The following SIPA1L1 variants were observed in gnomAD, a reference collection of about 807,000 sequenced individuals.
SIPA1L1 encodes the protein signal induced proliferation associated 1 like 1.
SIPA1L1 carries 26 observed loss-of-function variants against 162.7 expected under a neutral mutation model. That is an observed-to-expected ratio of 0.16 (90% CI 0.12 to 0.22). The LOEUF (loss-of-function observed/expected upper bound fraction) is 0.22. Among genes scored for constraint, SIPA1L1 ranks in the 10% least tolerant of loss-of-function variants. The probability of loss-of-function intolerance (pLI) is 1.00; values close to 1 mark genes in which losing one functional copy is unlikely to be tolerated. For synonymous variants in SIPA1L1, 829 were observed against 837.4 expected, an observed-to-expected ratio of 0.99 and a Z score of 0.17; for missense variants, 1,874 against 2,241.0, an observed-to-expected ratio of 0.84 and a Z score of 3.31.
At chr14:71,360,935 A>T (rs2037747373) in intron 2 of SIPA1L1, among the ~76,000 whole-genome samples, 1 of 152,186 alleles carries the variant, frequency 6.6e-6, no homozygotes, top group Non-Finnish European at 1.5e-5. Context: ...GTAAGACATC[A>T]TATTTTGTGT....
chr14:71,657,004 TTGTC>T (rs995317755), intron 8 of SIPA1L1, among the ~76,000 whole-genome samples: 5 of 152,170 alleles, frequency 3.3e-5, no homozygotes, highest in Non-Finnish European at 5.9e-5. Context: ...GTCAGAGACT[TTGTC>T]TGAGAGCATC....
chr14:71,709,533 G>A lies in SIPA1L1; in HGVS notation c.4077G>A (p.Glu1359=), dbSNP rs1224732645. ...ISMADRTLET[E]SHGLDRKTES... ...TGGCAGATCGGACTTTGGAGACAGA[G>A]AGCCACGGCCTGGACCGGAAAACAG... The change falls in exon 17 of 24, where the codon GAG becomes GAA. Residue 1359 remains glutamate, a synonymous_variant. Transcript: ENST00000381232. The A allele has an allele frequency of 6.2e-7, 1 of 1,614,088 alleles. No homozygotes were observed.
At chr14:71,571,085 G>A (rs61989420) in intron 4 of SIPA1L1, among the ~76,000 whole-genome samples, 2,084 of 152,346 alleles carry the variant, frequency 0.014, 21 homozygotes, top group Non-Finnish European at 0.021. Context: ...ATGGGGCACT[G>A]CACCTGGCCA....
chr14:71,446,098 T>C (rs1038399573), intron 2 of SIPA1L1, among the ~76,000 whole-genome samples: 1 of 152,144 alleles, frequency 6.6e-6, no homozygotes, highest in African/African-American at 2.4e-5. Context: ...ATCCTCCCAC[T>C]TTGGCCTCAT....
rs965884266 is a variant in SIPA1L1, at chr14:71,456,637, G to A, written c.-464-56106G>A. 1.1e-4 allele frequency among the ~76,000 whole-genome samples: 17 copies of A among 152,232 alleles called. No individual in the cohort carries two copies. In the East Asian group the frequency reaches 2.9e-3, roughly 26 times the overall value. ...AGTGTTGGCTTATTATTACAGAAGAGTTAAAGTTTATTTTCAGACAAAACA... is the reference window on the plus strand; with the variant it reads ...AGTGTTGGCTTATTATTACAGAAGAATTAAAGTTTATTTTCAGACAAAACA... On this transcript the variant is annotated intron_variant, in intron 2 of 23. Coordinates refer to ENST00000381232, the MANE Select transcript of SIPA1L1 (RefSeq NM_001386936.1).
chr14:71,511,372 C>A (rs560211351), intron 2 of SIPA1L1, among the ~76,000 whole-genome samples: 1 of 152,058 alleles, frequency 6.6e-6, no homozygotes, highest in East Asian at 1.9e-4. Flanking sequence ...GCTGCCTCTA[C>A]CTTCTGGACT....
At chr14:71,389,479 G>A (rs2040585456) in intron 2 of SIPA1L1, among the ~76,000 whole-genome samples, 1 of 152,100 alleles carries the variant, frequency 6.6e-6, no homozygotes, top group Admixed American at 6.5e-5. Context: ...TTTTAAGATA[G>A]TACCATTTGT....
intron 21 of SIPA1L1, 117 bp from the exon 22 acceptor site, chr14:71,735,160 T>C: frequency 2.9e-6 from 2 of 684,410 alleles, no homozygotes; most frequent in South Asian, 3.6e-5. Context: ...AGATTTCCAG[T>C]GCATCCTGCA....
chr14:71,589,395 A>G (rs2034977421), intron 5 of SIPA1L1, 25 bp downstream of exon 5: 7 of 1,485,034 alleles, frequency 4.7e-6, no homozygotes, highest in Non-Finnish European at 6.5e-6. Flanking sequence ...TTTATTTCTT[A>G]CATTTTCTTT....
At position 71,527,974 on chromosome 14, in the gene SIPA1L1, G is replaced by A. The variant is rs117026057; in HGVS notation, c.-361-1338G>A. Among the ~76,000 whole-genome samples, 1,081 of 152,160 alleles carry A rather than the reference G, an allele frequency of 7.1e-3. 6 individuals are homozygous for A. The highest frequency in any genetic ancestry group is 0.012 in the Non-Finnish European group (820 of 67,996). The stretch of plus-strand genomic sequence containing the variant: ...ACAATCTCAGCTCACTGCAAGCTCC[G>A]CCTCCCAGGTTCAAGCGATTTTCGT... On this transcript the variant is annotated intron_variant, in intron 3 of 23. Coordinates refer to ENST00000381232, the MANE Select transcript of SIPA1L1 (RefSeq NM_001386936.1).
At chr14:71,506,682 A>G (rs1240331627) in intron 2 of SIPA1L1, among the ~76,000 whole-genome samples, 2 of 151,914 alleles carry the variant, frequency 1.3e-5, no homozygotes, top group African/African-American at 4.8e-5. Flanking sequence ...TAGTTGTACA[A>G]TGATGGTACT....
intron 17 of SIPA1L1, among the ~76,000 whole-genome samples, chr14:71,716,278 C>T (rs2150101698): frequency 6.6e-6 from 1 of 152,338 alleles, no homozygotes; most frequent in East Asian, 1.9e-4. Flanking sequence ...TCCACATTAT[C>T]TGTCACCCAA....
chr14:71,586,480 G>A (rs1186573546), intron 4 of SIPA1L1: 1 of 152,192 alleles, frequency 6.6e-6, no homozygotes, highest in Non-Finnish European at 1.5e-5. Flanking sequence ...GCTCAGTGCT[G>A]GTTCAGCAGC....
intron 2 of SIPA1L1, among the ~76,000 whole-genome samples, chr14:71,464,634 C>G (rs2046847969): frequency 6.6e-6 from 1 of 151,524 alleles, no homozygotes; most frequent in African/African-American, 2.4e-5. Context: ...GAGGGAGACT[C>G]CATCTCAAAA....
At chr14:71,562,198 A>G (rs2332638) in intron 4 of SIPA1L1, among the ~76,000 whole-genome samples, 126,900 of 151,694 alleles carry the variant, frequency 0.84, 53,686 homozygotes, top group African/African-American at 0.95. Context: ...CAGTATAACA[A>G]GTATCATATC....
intron 2 of SIPA1L1, among the ~76,000 whole-genome samples, chr14:71,426,486 C>T (rs368716507): frequency 6.1e-5 from 8 of 131,990 alleles, no homozygotes; most frequent in Non-Finnish European, 4.8e-5. Context: ...GAATTTCTTT[C>T]TTTTTTTTTT....
chr14:71,686,393 T>C (rs1449470657), intron 13 of SIPA1L1, among the ~76,000 whole-genome samples: 1 of 152,168 alleles, frequency 6.6e-6, no homozygotes, highest in East Asian at 1.9e-4. Context: ...TTAAACTAGA[T>C]TAAGTGCTTT....
At chr14:71,683,612 C>T (rs915518393) in intron 12 of SIPA1L1, among the ~76,000 whole-genome samples, 3 of 152,044 alleles carry the variant, frequency 2.0e-5, no homozygotes, top group Non-Finnish European at 4.4e-5. Flanking sequence ...CCTCTATGAA[C>T]AACCAAAAAA....
At chr14:71,563,378 A>G (rs2056946785) in intron 4 of SIPA1L1, among the ~76,000 whole-genome samples, 1 of 150,484 alleles carries the variant, frequency 6.6e-6, no homozygotes, top group Non-Finnish European at 1.5e-5. Context: ...TTTGGTTTGT[A>G]CATCTTGGAT....
Sources: gnomAD v4.1 joint callset for allele counts (sites outside exome capture counted in the v4.1 genomes callset) on GRCh38, gnomAD v4.1.1 for gene constraint, MANE v1.5 for transcripts, NCBI Gene and HGNC (gene_info 2026-07-23, HGNC 2026-07-21) for gene names.